PNPLA8: variants seen among roughly 807,000 people sequenced by gnomAD.
The protein encoded by PNPLA8 is calcium-independent phospholipase A2-gamma.
In PNPLA8, 39 loss-of-function variants were observed where a neutral mutation model predicts 76.9. The observed-to-expected ratio is 0.51, with a 90% confidence interval of 0.39 to 0.66. The LOEUF is 0.66. Among genes scored for constraint, PNPLA8 ranks in the 30% least tolerant of loss-of-function variants. The pLI is 0.00. For missense variants in PNPLA8, 887 were observed against 918.0 expected, an observed-to-expected ratio of 0.97 and a Z score of 0.44; for synonymous variants, 301 against 307.9, an observed-to-expected ratio of 0.98 and a Z score of 0.24.
At chr7:108,503,053 A>G (rs534786784) in intron 4 of PNPLA8, among the ~76,000 whole-genome samples, 11 of 152,334 alleles carry the variant, frequency 7.2e-5, no homozygotes, top group African/African-American at 2.6e-4. Context: ...AGAAATAATG[A>G]ACCATCTTGT....
intron 9 of PNPLA8, among the ~76,000 whole-genome samples, chr7:108,487,319 T>C (rs1294327361): frequency 6.6e-6 from 1 of 152,192 alleles, no homozygotes; most frequent in African/African-American, 2.4e-5. Context: ...TGCACAGCAC[T>C]AAATAAGTGT....
In PNPLA8 at chr7:108,485,747, C is replaced by T. The variant is rs182392883; in HGVS notation, c.1878+2012G>A. On this transcript the variant is annotated intron_variant, in intron 9 of 10. Coordinates refer to ENST00000257694, the MANE Select transcript of PNPLA8 (RefSeq NM_001256007.3). ...TTGTCATTTGAAGTGAAAAATATCC[C>T]ATTTCTTCTTCAAGTCTTGGAAGAG... is the stretch of plus-strand genomic sequence containing the variant. Among the ~76,000 whole-genome samples, 10 of 152,148 alleles carry T rather than the reference C, an allele frequency of 6.6e-5. No homozygotes were observed. In the East Asian group the frequency reaches 1.5e-3, roughly 24 times the overall value.
At chr7:108,472,729 G>A (rs753362603) in intron 10 of PNPLA8, 54 bp from the exon 11 acceptor site, 49 of 1,263,988 alleles carry the variant, frequency 3.9e-5, no homozygotes, top group Non-Finnish European at 5.1e-5. Context: ...GGGATAAAGT[G>A]AGCAATGAAC....
chr7:108,496,845 T>C lies in PNPLA8; in HGVS notation c.1454-90A>G, dbSNP rs1401984653. 5 of 996,498 alleles carry C rather than the reference T, an allele frequency of 5.0e-6. No individual in the cohort carries two copies. In the East Asian group the frequency reaches 1.4e-4, roughly 28 times the overall value. 61.7% of individuals were successfully genotyped at this position (996,498 alleles called of 1,614,324 possible). On this transcript the variant is annotated intron_variant, in intron 6 of 10. Coordinates refer to ENST00000257694, the MANE Select transcript of PNPLA8 (RefSeq NM_001256007.3). ...TGAATCATAGTTTTGGCTTAAATTT[T>C]AGCGTTGATACTTTCTAGCTATGTC...
chr7:108,494,651 T>C lies in PNPLA8; in HGVS notation c.1625+1933A>G, dbSNP rs138641396. Among the ~76,000 whole-genome samples the C allele has an allele frequency of 5.3e-5, 8 of 152,322 alleles. No individual in the cohort carries two copies. In the East Asian group the frequency reaches 1.4e-3, roughly 26 times the overall value. On this transcript the variant is annotated intron_variant, in intron 7 of 10. Coordinates refer to ENST00000257694, the MANE Select transcript of PNPLA8 (RefSeq NM_001256007.3). ...GGTTGATTCCATGTATCTGCCATTG[T>C]GAACAGTGCTATAATGAACACATAA...
intron 4 of PNPLA8, among the ~76,000 whole-genome samples, chr7:108,511,998 G>T (rs942153657): frequency 3.5e-4 from 53 of 152,288 alleles, no homozygotes; most frequent in Middle Eastern, 3.4e-3. Flanking sequence ...TAAACAGATT[G>T]TGAGTAGAAG....
chr7:108,492,891 C>T (rs996334245), intron 7 of PNPLA8, among the ~76,000 whole-genome samples: 14 of 152,168 alleles, frequency 9.2e-5, no homozygotes, highest in African/African-American at 3.1e-4. Context: ...CATGTGACCT[C>T]AACAAACATG....
intron 10 of PNPLA8, among the ~76,000 whole-genome samples, chr7:108,477,406 G>A (rs1032762064): frequency 6.6e-6 from 1 of 152,128 alleles, no homozygotes; most frequent in Non-Finnish European, 1.5e-5. Flanking sequence ...CCTCAGTGGG[G>A]AGTTTAAGAT....
At chr7:108,495,844 G>A (rs556157043) in intron 7 of PNPLA8, among the ~76,000 whole-genome samples, 8 of 152,146 alleles carry the variant, frequency 5.3e-5, no homozygotes, top group South Asian at 2.1e-4. Context: ...TTTTAAGAAC[G>A]TTTGAAAAAA....
intron 4 of PNPLA8, among the ~76,000 whole-genome samples, chr7:108,507,169 C>G (rs946087700): frequency 6.6e-6 from 1 of 151,452 alleles, no homozygotes; most frequent in Admixed American, 6.6e-5. Flanking sequence ...ATGGTGAAAC[C>G]CCATCGCTAC....
chr7:108,521,915 T>C (rs2154517193), intron 1 of PNPLA8, among the ~76,000 whole-genome samples: 1 of 152,314 alleles, frequency 6.6e-6, no homozygotes, highest in South Asian at 2.1e-4. Context: ...CCTGAAAATC[T>C]AGTTCAGGCC....
At chr7:108,506,551 T>A (rs768856391) in intron 4 of PNPLA8, among the ~76,000 whole-genome samples, 3 of 152,126 alleles carry the variant, frequency 2.0e-5, no homozygotes, top group Non-Finnish European at 2.9e-5. Flanking sequence ...AGGTATATAC[T>A]CCAAAGAAAC....
chr7:108,476,363 T>C (rs926915880), intron 10 of PNPLA8, among the ~76,000 whole-genome samples: 9 of 152,330 alleles, frequency 5.9e-5, no homozygotes, highest in East Asian at 1.9e-4. Context: ...TAAAGCCACT[T>C]GTCTCAGCAA....
chr7:108,511,087 T>C (rs1157407116), intron 4 of PNPLA8: 1 of 663,660 alleles, frequency 1.5e-6, no homozygotes, highest in East Asian at 2.8e-5. Context: ...TACAAATAAA[T>C]TAAGCATTTC....
intron 7 of PNPLA8, among the ~76,000 whole-genome samples, chr7:108,491,864 G>C (rs1271315505): frequency 6.6e-6 from 1 of 152,182 alleles, no homozygotes; most frequent in East Asian, 1.9e-4. Context: ...TAGGATAAAG[G>C]AGCTGTGTTG....
chr7:108,512,791 G>A (rs1380622571), intron 4 of PNPLA8, among the ~76,000 whole-genome samples: 6 of 152,044 alleles, frequency 3.9e-5, no homozygotes, highest in Non-Finnish European at 8.8e-5. Context: ...TAATTGATCT[G>A]AATATATATT....
chr7:108,502,615 G>A lies in PNPLA8; in HGVS notation c.1234C>T (p.Leu412=). The change falls in exon 5 of 11, where the codon CTG becomes TTG. Residue 412 remains leucine (L), a synonymous_variant. Coordinates refer to ENST00000257694, the MANE Select transcript of PNPLA8 (RefSeq NM_001256007.3). ...AGAGTTTCATCCTTAATTTGTCTCA[G>A]TCGTAATAAATATGGAATAATTCTT... ...KERIIPYLLR[L]RQIKDETLQA... 1.9e-6 allele frequency: 3 copies of A among 1,611,200 alleles called. No individual in the cohort carries two copies. The highest frequency in any genetic ancestry group is 2.5e-6 in the Non-Finnish European group (3 of 1,177,866).
rs950745276 is a variant in PNPLA8, at chr7:108,495,703, T to C, written c.1625+881A>G. ...AAATTTAAAGTTTTCTATGACAGCA[T>C]TGTTCATAATCCCAAAAAATTAGGA... On this transcript the variant is annotated intron_variant, in intron 7 of 10. Transcript: ENST00000257694. 2.6e-5 allele frequency among the ~76,000 whole-genome samples: 4 copies of C among 152,208 alleles called. No individual in the cohort carries two copies. The East Asian group carries it at 7.7e-4, about 29-fold the overall frequency.
intron 6 of PNPLA8, 94 bp from the exon 7 acceptor site, chr7:108,496,849 G>A (rs745795820): frequency 1.6e-4 from 150 of 961,510 alleles, no homozygotes; most frequent in Non-Finnish European, 2.1e-4. Flanking sequence ...AAATTTTAGC[G>A]TTGATACTTT....
Sources: gnomAD v4.1 joint callset for allele counts (sites outside exome capture counted in the v4.1 genomes callset) on GRCh38, gnomAD v4.1.1 for gene constraint, MANE v1.5 for transcripts, NCBI Gene and HGNC (gene_info 2026-07-23, HGNC 2026-07-21) for gene names.